The following CCNG1 variants were observed in gnomAD, a reference collection of about 807,000 sequenced individuals.
CCNG1 encodes the protein cyclin-G1.
In CCNG1, 13 loss-of-function variants were observed where a neutral mutation model predicts 30.0. The ratio of observed to expected loss-of-function variants is 0.43; its 90% confidence interval spans 0.28 to 0.69. The LOEUF is 0.69. CCNG1 is among the 30% of genes least tolerant of loss of function. The pLI is 0.16. For synonymous variants in CCNG1, 110 were observed against 121.5 expected, an observed-to-expected ratio of 0.91 and a Z score of 0.62; for missense variants, 285 against 331.4, an observed-to-expected ratio of 0.86 and a Z score of 1.09.
chr5:163,445,254 T>C (rs1758009455), downstream of CCNG1, among the ~76,000 whole-genome samples: 2 of 152,194 alleles, frequency 1.3e-5, no homozygotes, highest in African/African-American at 4.8e-5. Flanking sequence ...TTAAATTTAG[T>C]ACTAAAGTTA....
Position 163,439,346 on chromosome 5 carries a change from G to A in CCNG1, c.90G>A (p.Lys30=). The change falls in exon 2 of 7, where the codon AAG becomes AAA. Residue 30 remains lysine, a synonymous_variant. Coordinates refer to ENST00000340828, the MANE Select transcript of CCNG1 (RefSeq NM_004060.4). ...LLEQESRCQP[K]VCGLRLIESA... Reference sequence around the variant, plus strand: ...AACAGGAGTCTAGATGTCAGCCAAAGGTCTGTGGTTTGAGACTAATTGAGT... The same window carrying A: ...AACAGGAGTCTAGATGTCAGCCAAAAGTCTGTGGTTTGAGACTAATTGAGT... 2 of 1,614,144 alleles carry A rather than the reference G, an allele frequency of 1.2e-6. No homozygotes were observed. Among genetic ancestry groups the A allele is most frequent in the Non-Finnish European group, 1.7e-6 (2 of 1,180,024 alleles).
In CCNG1 at chr5:163,439,391, C is replaced by G; in HGVS notation, c.135C>G (p.Leu45=). The G allele has an allele frequency of 6.2e-7, 1 of 1,614,190 alleles. No individual in the cohort carries two copies. Among genetic ancestry groups the G allele is most frequent in the Non-Finnish European group, 8.5e-7 (1 of 1,180,014 alleles). Residue 45 remains leucine (L), a synonymous_variant, in exon 2 of 7, where the codon CTC becomes CTG. Coordinates refer to ENST00000340828, the MANE Select transcript of CCNG1 (RefSeq NM_004060.4). ...RLIESAHDNG[L]RMTARLRDFE... ...TTGAGTCTGCACACGATAATGGCCTCAGAATGACTGCAAGACTAAGGGACT... is the reference window on the plus strand; with the variant it reads ...TTGAGTCTGCACACGATAATGGCCTGAGAATGACTGCAAGACTAAGGGACT...
downstream of CCNG1, chr5:163,445,832 A>C (rs1257374565): frequency 6.6e-6 from 1 of 152,080 alleles, no homozygotes; most frequent in Non-Finnish European, 1.5e-5. Flanking sequence ...GTGTTTATGC[A>C]TTATTAATCC....
Position 163,441,307 on chromosome 5 carries a change from T to G in CCNG1, c.494T>G (p.Leu165Arg), listed in dbSNP as rs1757806234. ...TTTCTGCAACTGTATTATTCACTCCTTCAAGAGAACTTGCCACTTGAAAGG... is the reference window on the plus strand; with the variant it reads ...TTTCTGCAACTGTATTATTCACTCCGTCAAGAGAACTTGCCACTTGAAAGG... ...FQFLQLYYSL[L>R]QENLPLERRN... Residue 165 changes from leucine to arginine, a missense_variant, in exon 3 of 7, where the codon CTT becomes CGT. Coordinates refer to ENST00000340828, the MANE Select transcript of CCNG1 (RefSeq NM_004060.4). 6.2e-7 allele frequency: 1 copy of G among 1,613,666 alleles called. No homozygotes were observed. Among genetic ancestry groups the G allele is most frequent in the Non-Finnish European group, 8.5e-7 (1 of 1,179,812 alleles).
At position 163,443,869 on chromosome 5, in the gene CCNG1, G is replaced by T. The variant is rs2113380024; in HGVS notation, c.*199G>T. 3 of 553,152 alleles carry T rather than the reference G, an allele frequency of 5.4e-6. No homozygotes were observed. Among genetic ancestry groups the T allele is most frequent in the East Asian group, 3.0e-5 (1 of 33,144 alleles). 34.3% of individuals were successfully genotyped at this position (553,152 alleles called of 1,614,324 possible). A position where few individuals can be genotyped will look rare whatever the true frequency, so the allele number is the denominator to read the frequency against. On this transcript the variant is annotated 3_prime_UTR_variant, in exon 7 of 7. Coordinates refer to ENST00000340828, the MANE Select transcript of CCNG1 (RefSeq NM_004060.4). The stretch of plus-strand genomic sequence containing the variant: ...GTTTAGATTTGAATTCATCTGTGAA[G>T]CATTCAAATCAAAGCTAAAAGCCTA...
At chr5:163,441,734 C>G in intron 3 of CCNG1, 152 bp from the exon 4 acceptor site, 1 of 601,186 alleles carries the variant, frequency 1.7e-6, no homozygotes. Context: ...GTTAGTATCT[C>G]TGATGGAAGG....
At chr5:163,443,204 CGGG>C (rs1397850030) in intron 6 of CCNG1, among the ~76,000 whole-genome samples, 8 of 150,622 alleles carry the variant, frequency 5.3e-5, no homozygotes, top group African/African-American at 1.7e-4. Flanking sequence ...CCCAGCTACT[CGGG>C]AGGCTGAGGC....
intron 1 of CCNG1, among the ~76,000 whole-genome samples, chr5:163,438,318 T>C (rs185908140): frequency 1.3e-5 from 2 of 151,516 alleles, no homozygotes; most frequent in Admixed American, 1.3e-4. Context: ...TATTGAGTAT[T>C]GTGTGCCAAG....
At chr5:163,455,823 TTAGAG>T in the CCNG1 span, among the ~76,000 whole-genome samples, 22 of 149,742 alleles carry the variant, frequency 1.5e-4, no homozygotes, top group African/African-American at 5.3e-4. Context: ...TAGAACGTTA[TTAGAG>T]TAATCAGGCA....
In CCNG1 at chr5:163,444,134, A is replaced by G. The variant is rs1757963517; in HGVS notation, c.*464A>G. On this transcript the variant is annotated 3_prime_UTR_variant, in exon 7 of 7. Coordinates refer to ENST00000340828, the MANE Select transcript of CCNG1 (RefSeq NM_004060.4). ...TTATGTCAAAAGCAACATTTCACAA[A>G]TGTACTTTTAAGGCATAATAAGGGT... The G allele has an allele frequency of 6.2e-6, 1 of 160,614 alleles. No individual in the cohort carries two copies. Among genetic ancestry groups the G allele is most frequent in the African/African-American group, 2.4e-5 (1 of 41,640 alleles). The allele number at this position is 160,614 out of a possible 1,614,324, so 9.9% of individuals were successfully genotyped here. A position where few individuals can be genotyped will look rare whatever the true frequency, so the allele number is the denominator to read the frequency against.
At chr5:163,453,358 C>T in the CCNG1 span, 5 of 152,166 alleles carry the variant, frequency 3.3e-5, no homozygotes, top group African/African-American at 9.7e-5. Context: ...CATGATCACA[C>T]TTCTCTTTTG....
At chr5:163,457,274 G>A in the CCNG1 span, among the ~76,000 whole-genome samples, 4 of 152,058 alleles carry the variant, frequency 2.6e-5, no homozygotes, top group African/African-American at 9.6e-5. Context: ...TGGGAATACA[G>A]GCATGCGCCA....
rs968109297 is a variant in CCNG1, at chr5:163,441,710, T to C, written c.519-176T>C. 2.5e-5 allele frequency: 14 copies of C among 569,628 alleles called. No homozygotes were observed. The Admixed American group carries it at 2.7e-4, about 11-fold the overall frequency. The allele number at this position is 569,628 out of a possible 1,614,324, so 35.3% of individuals were successfully genotyped here. The stretch of plus-strand genomic sequence containing the variant: ...GCCCAAATCATCTAAAACTCCCATA[T>C]GGTGCCTTTAGAAGTTAGTATCTCT... On this transcript the variant is annotated intron_variant, in intron 3 of 6. Transcript: ENST00000340828.
chr5:163,457,547 A>G, the CCNG1 span: 10 of 1,422,388 alleles, frequency 7.0e-6, no homozygotes, highest in Non-Finnish European at 9.9e-6. Context: ...GATGAATTAT[A>G]GTAATTACCC....
chr5:163,455,003 C>T, the CCNG1 span, among the ~76,000 whole-genome samples: 1 of 152,152 alleles, frequency 6.6e-6, no homozygotes, highest in Non-Finnish European at 1.5e-5. Context: ...CACAAATACT[C>T]AACTGTCTGA....
At chr5:163,457,124 G>T in the CCNG1 span, 2 of 1,485,292 alleles carry the variant, frequency 1.3e-6, no homozygotes, top group Admixed American at 2.2e-5. Context: ...ATAAATTAGA[G>T]TTCTTCATCA....
downstream of CCNG1, among the ~76,000 whole-genome samples, chr5:163,445,273 G>A (rs17884754): frequency 6.6e-6 from 1 of 151,996 alleles, no homozygotes; most frequent in Non-Finnish European, 1.5e-5. Context: ...TAGATGCATA[G>A]TACCAGAAAC....
intron 5 of CCNG1, 48 bp downstream of exon 5, chr5:163,442,191 C>G: frequency 7.7e-7 from 1 of 1,295,282 alleles, no homozygotes; most frequent in Non-Finnish European, 1.1e-6. Flanking sequence ...GTAAAAGAAA[C>G]TAAACCCCTT....
chr5:163,452,099 C>T, the CCNG1 span: 2 of 151,388 alleles, frequency 1.3e-5, no homozygotes, highest in African/African-American at 4.9e-5. Context: ...TCAGGTTTCT[C>T]ACTGGTACTG....
Sources: gnomAD v4.1 joint callset for allele counts (sites outside exome capture counted in the v4.1 genomes callset) on GRCh38, gnomAD v4.1.1 for gene constraint, MANE v1.5 for transcripts, NCBI Gene and HGNC (gene_info 2026-07-23, HGNC 2026-07-21) for gene names.